Variants in ARHGAP19 observed in about 807,000 individuals in gnomAD.
ARHGAP19 encodes the protein rho GTPase-activating protein 19.
ARHGAP19 carries 48 observed loss-of-function variants against 60.9 expected under a neutral mutation model. The ratio of observed to expected loss-of-function variants is 0.79; its 90% CI spans 0.62 to 1.00. The LOEUF is 1.00. ARHGAP19 is among the 50% of genes least tolerant of loss of function. The pLI, the probability that ARHGAP19 is intolerant of heterozygous loss-of-function variation, is 0.00. For synonymous variants in ARHGAP19, 209 were observed against 215.5 expected, an observed-to-expected ratio of 0.97 and a Z score of 0.27; for missense variants, 562 against 597.2, an observed-to-expected ratio of 0.94 and a Z score of 0.61.
chr10:97,259,599 T>A lies in ARHGAP19; in HGVS notation c.643A>T (p.Lys215Ter). 6.2e-7 allele frequency: 1 copy of A among 1,614,164 alleles called. No homozygotes were observed. ...DLMQFDDKGNKTNIPDKDRQI... is the reference protein window; with the variant it reads ...DLMQFDDKGN ...CGGTCCTTGTCTGGTATATTGGTCT[T>A]GTTTCCTTTATCATCAAACTGCATC... Residue 215 changes from lysine to a stop codon, truncating the protein, a stop_gained, in exon 5 of 12, where the codon AAG becomes TAG. Coordinates refer to ENST00000358531, the MANE Select transcript of ARHGAP19 (RefSeq NM_032900.6). LOFTEE classifies it high-confidence loss of function.
chr10:97,235,978 T>C (rs904627328), intron 8 of ARHGAP19, among the ~76,000 whole-genome samples: 12 of 152,136 alleles, frequency 7.9e-5, no homozygotes, highest in Non-Finnish European at 1.3e-4. Flanking sequence ...TTGTTGATGA[T>C]GTTGCTGTTG....
rs751480287 is a variant in ARHGAP19, at chr10:97,256,337, T to C, written c.908A>G (p.His303Arg). The C allele has an allele frequency of 1.2e-6, 2 of 1,613,928 alleles. No individual in the cohort carries two copies. The highest frequency in any genetic ancestry group is 1.1e-5 in the South Asian group (1 of 91,078). The change falls in exon 6 of 12, where the codon CAC (histidine) becomes CGC (arginine). Residue 303 changes from histidine (H) to arginine (R), a missense_variant. His to Arg is a conservative substitution (Grantham distance 29). Coordinates refer to ENST00000358531, the MANE Select transcript of ARHGAP19 (RefSeq NM_032900.6). Reference sequence around the variant, plus strand: ...ACCTACCTTAAAAAGTTTCTGGGAGTGTTTAATCATAAAAGCCATCCCACT... The same window carrying C: ...ACCTACCTTAAAAAGTTTCTGGGAGCGTTTAATCATAAAAGCCATCCCACT... ...LNSGMAFMIKHSQKLFKAPAY... is the reference protein window; with the variant it reads ...LNSGMAFMIKRSQKLFKAPAY...
At chr10:97,263,776 T>C (rs1842862158) in intron 3 of ARHGAP19, 147 bp from the exon 4 acceptor site, 1 of 709,526 alleles carries the variant, frequency 1.4e-6, no homozygotes, top group African/African-American at 1.8e-5. Flanking sequence ...ACCAGGGTAG[T>C]TTAGAACCTA....
chr10:97,242,705 G>T (rs1407267322), intron 8 of ARHGAP19, among the ~76,000 whole-genome samples: 1 of 152,088 alleles, frequency 6.6e-6, no homozygotes, highest in African/African-American at 2.4e-5. Flanking sequence ...GTAGAGACTA[G>T]GTTTCTCCAT....
chr10:97,251,285 AAAGG>A (rs1842649717), intron 6 of ARHGAP19, among the ~76,000 whole-genome samples: 1 of 21,024 alleles, frequency 4.8e-5, no homozygotes. Context: ...GGGAAGGGAA[AAAGG>A]AAGGGAAGGG....
intron 1 of ARHGAP19, among the ~76,000 whole-genome samples, chr10:97,273,737 C>T (rs184358437): frequency 6.6e-6 from 1 of 152,142 alleles, no homozygotes; most frequent in Non-Finnish European, 1.5e-5. Flanking sequence ...AATCCACCCA[C>T]CTTGGCCTCT....
At chr10:97,271,102 C>A (rs1372067691) in intron 1 of ARHGAP19, among the ~76,000 whole-genome samples, 1 of 151,886 alleles carries the variant, frequency 6.6e-6, no homozygotes, top group Non-Finnish European at 1.5e-5. Flanking sequence ...GTTTCTTAAA[C>A]AAGACATAAA....
At chr10:97,264,439 C>T (rs1000251698) in intron 3 of ARHGAP19, among the ~76,000 whole-genome samples, 3 of 121,430 alleles carry the variant, frequency 2.5e-5, no homozygotes, top group East Asian at 2.3e-4. Flanking sequence ...GGTGAGAGAA[C>T]GAGACCTTGT....
chr10:97,241,565 TAGTC>T (rs1360487543), intron 8 of ARHGAP19, among the ~76,000 whole-genome samples: 1 of 149,920 alleles, frequency 6.7e-6, no homozygotes, highest in Non-Finnish European at 1.5e-5. Context: ...AATGCAAAAT[TAGTC>T]AGGCGTTGTG....
At chr10:97,291,276 C>T (rs757729761) in intron 1 of ARHGAP19, among the ~76,000 whole-genome samples, 1 of 151,952 alleles carries the variant, frequency 6.6e-6, no homozygotes. Context: ...AAAACAAAAA[C>T]AAAACAAAAC....
chr10:97,242,251 C>T (rs11189060), intron 8 of ARHGAP19, among the ~76,000 whole-genome samples: 1,606 of 149,386 alleles, frequency 0.011, 14 homozygotes, highest in Non-Finnish European at 0.018. Context: ...TCTTCTTATC[C>T]TTCTCTATAA....
At chr10:97,264,984 A>T in intron 2 of ARHGAP19, 78 bp from the exon 3 acceptor site, 1 of 1,080,864 alleles carries the variant, frequency 9.3e-7, no homozygotes, top group South Asian at 1.3e-5. Flanking sequence ...CCACTCAAGC[A>T]TCCTATTTTA....
At chr10:97,270,768 G>A (rs1475881634) in intron 1 of ARHGAP19, 2 of 1,127,194 alleles carry the variant, frequency 1.8e-6, no homozygotes, top group Non-Finnish European at 2.5e-6. Flanking sequence ...TATGGGGCCT[G>A]AAAGGCAGTA....
intron 1 of ARHGAP19, among the ~76,000 whole-genome samples, chr10:97,281,006 C>A (rs952466612): frequency 2.0e-5 from 3 of 152,188 alleles, no homozygotes; most frequent in Non-Finnish European, 4.4e-5. Context: ...CAGAGTGACA[C>A]ATACTATCCA....
intron 1 of ARHGAP19, among the ~76,000 whole-genome samples, chr10:97,273,090 T>C (rs1229650728): frequency 6.6e-6 from 1 of 152,174 alleles, no homozygotes; most frequent in Non-Finnish European, 1.5e-5. Flanking sequence ...TCCGCCCGCC[T>C]CGGCCTCCCA....
chr10:97,228,880 AT>A (rs1231725813), intron 11 of ARHGAP19, among the ~76,000 whole-genome samples: 1 of 152,088 alleles, frequency 6.6e-6, no homozygotes, highest in Non-Finnish European at 1.5e-5. Context: ...TTCTTAAGGT[AT>A]TTTCCCCCAT....
chr10:97,227,828 C>T (rs7088321), intron 11 of ARHGAP19, among the ~76,000 whole-genome samples: 3,199 of 152,314 alleles, frequency 0.021, 115 homozygotes, highest in African/African-American at 0.07. Flanking sequence ...ACAAGGTCAA[C>T]AATCCCTGCT....
intron 9 of ARHGAP19, among the ~76,000 whole-genome samples, chr10:97,232,913 C>T (rs1459010960): frequency 6.6e-6 from 1 of 151,870 alleles, no homozygotes; most frequent in Non-Finnish European, 1.5e-5. Flanking sequence ...TTTGGGAGGC[C>T]GAAGCGGGCA....
chr10:97,229,089 G>T, intron 11 of ARHGAP19, 58 bp downstream of exon 11: 2 of 1,450,830 alleles, frequency 1.4e-6, no homozygotes, highest in South Asian at 1.1e-5. Context: ...AAATGCTACT[G>T]ACTAGATGCA....
Sources: gnomAD v4.1 joint callset for allele counts (sites outside exome capture counted in the v4.1 genomes callset) on GRCh38, gnomAD v4.1.1 for gene constraint, MANE v1.5 for transcripts, NCBI Gene and HGNC (gene_info 2026-07-23, HGNC 2026-07-21) for gene names.